THOC7: variants seen among roughly 807,000 people sequenced by gnomAD.
The protein encoded by THOC7 is THO complex subunit 7.
A neutral mutation model predicts 33.1 loss-of-function variants in THOC7; 22 were observed. The observed-to-expected ratio is 0.66, with a 90% CI of 0.47 to 0.95. The LOEUF (loss-of-function observed/expected upper bound fraction) is 0.95. Ranked by LOEUF, THOC7 falls within the 40% of genes least tolerant of loss-of-function variation. THOC7 has a pLI of 0.00. For synonymous variants in THOC7, 77 were observed against 76.8 expected (o/e 1.00, Z -0.01); for missense variants, 184 against 245.3 (o/e 0.75, Z 1.67).
chr3:63,835,494 A>C (rs1381131674), intron 5 of THOC7, 104 bp from the exon 6 acceptor site: 1 of 985,660 alleles, frequency 1.0e-6, no homozygotes, highest in Non-Finnish European at 1.5e-6. Context: ...AAATAAAAAA[A>C]GGGCTTATAA....
intron 2 of THOC7, 94 bp from the exon 3 acceptor site, chr3:63,838,593 T>C (rs972356316): frequency 4.8e-5 from 59 of 1,233,842 alleles, no homozygotes; most frequent in South Asian, 2.9e-4. Context: ...AATTAAATTA[T>C]AGCAAGTTCT....
At chr3:63,855,529 GAC>G (rs560182872) in intron 1 of THOC7, among the ~76,000 whole-genome samples, 170 of 152,292 alleles carry the variant, frequency 1.1e-3, no homozygotes, top group African/African-American at 4.1e-3. Context: ...CTGGTCAGAT[GAC>G]ACAGCCATTT....
chr3:63,839,227 A>G (rs938723555), intron 2 of THOC7, among the ~76,000 whole-genome samples: 2 of 152,188 alleles, frequency 1.3e-5, no homozygotes, highest in African/African-American at 4.8e-5. Flanking sequence ...GTGCGTGTGT[A>G]TCAGGTTGGT....
intron 4 of THOC7, among the ~76,000 whole-genome samples, chr3:63,837,372 T>G (rs1701657433): frequency 6.6e-6 from 1 of 152,022 alleles, no homozygotes. Context: ...ATTTACATTA[T>G]AAGAAGAGCA....
intron 1 of THOC7, among the ~76,000 whole-genome samples, chr3:63,842,751 G>A (rs1701795078): frequency 6.6e-6 from 1 of 152,042 alleles, no homozygotes; most frequent in African/African-American, 2.4e-5. Flanking sequence ...GGGTACACTG[G>A]GTATAAGTAC....
At chr3:63,858,846 G>A (rs1475119927) in intron 1 of THOC7, among the ~76,000 whole-genome samples, 3 of 152,202 alleles carry the variant, frequency 2.0e-5, no homozygotes, top group Non-Finnish European at 4.4e-5. Flanking sequence ...TAACATGACA[G>A]TAGTGGTGAA....
intron 1 of THOC7, among the ~76,000 whole-genome samples, chr3:63,847,918 T>C (rs976348281): frequency 6.6e-6 from 1 of 152,050 alleles, no homozygotes; most frequent in Non-Finnish European, 1.5e-5. Context: ...AAAACTAGTT[T>C]AGGCCATGAT....
chr3:63,852,567 T>C (rs983103653), intron 1 of THOC7, among the ~76,000 whole-genome samples: 2 of 152,206 alleles, frequency 1.3e-5, no homozygotes, highest in Middle Eastern at 3.4e-3. Context: ...GGGGCATGAG[T>C]GTGTAGAACA....
At chr3:63,846,853 C>T (rs540744278) in intron 1 of THOC7, among the ~76,000 whole-genome samples, 4 of 152,204 alleles carry the variant, frequency 2.6e-5, no homozygotes, top group South Asian at 2.1e-4. Flanking sequence ...AAGTCCCGTC[C>T]GATCTACTTA....
upstream of THOC7, chr3:63,863,889 C>T (rs1702312733): frequency 1.7e-6 from 2 of 1,149,674 alleles, no homozygotes; most frequent in Non-Finnish European, 1.1e-6. Context: ...GGTAAACAGC[C>T]ATGGAGGAGG....
chr3:63,833,902 G>T lies in THOC7; in HGVS notation c.*230C>A. On this transcript the variant is annotated 3_prime_UTR_variant, in exon 8 of 8. Coordinates refer to ENST00000295899, the MANE Select transcript of THOC7 (RefSeq NM_025075.4). ...TAAAAGCATTTTATTAAGCATTTTT[G>T]GATGTTGCTTCCTACCACTTAAGAA... 2 of 439,728 alleles carry T rather than the reference G, an allele frequency of 4.5e-6. No homozygotes were observed. The highest frequency in any genetic ancestry group is 8.0e-6 in the Non-Finnish European group (2 of 249,216). 27.2% of individuals were successfully genotyped at this position (439,728 alleles called of 1,614,324 possible).
chr3:63,838,115 T>C (rs1295962636), intron 3 of THOC7, 53 bp from the exon 4 acceptor site: 1 of 1,479,342 alleles, frequency 6.8e-7, no homozygotes, highest in African/African-American at 1.4e-5. Flanking sequence ...ATAATCCATT[T>C]TTAATTTTAA....
At chr3:63,862,767 G>A (rs1250623814) in intron 1 of THOC7, among the ~76,000 whole-genome samples, 1 of 152,074 alleles carries the variant, frequency 6.6e-6, no homozygotes, top group Non-Finnish European at 1.5e-5. Context: ...ACACCCAAGA[G>A]CCCTAGATAT....
chr3:63,846,065 G>A, intron 1 of THOC7: 1 of 282,784 alleles, frequency 3.5e-6, no homozygotes, highest in South Asian at 3.0e-5. Context: ...TCACTGTAAA[G>A]AGCTAATGAA....
chr3:63,855,615 G>T (rs1702100746), intron 1 of THOC7, among the ~76,000 whole-genome samples: 1 of 152,150 alleles, frequency 6.6e-6, no homozygotes, highest in African/African-American at 2.4e-5. Context: ...ATTCATAATT[G>T]TTCTTTCCCT....
rs1192577812 is a variant in THOC7, at chr3:63,849,763, TTC to T, written c.20-9992_20-9991del. ...GTAGCCTGGCTCATTGTTTTTGCTT[TTC>T]TTTTTTCTTTTTCTCCTTTTTTCAC... is the stretch of plus-strand genomic sequence containing the variant. On this transcript the variant is annotated intron_variant, in intron 1 of 7. Coordinates refer to ENST00000295899, the MANE Select transcript of THOC7 (RefSeq NM_025075.4). 2.0e-5 allele frequency among the ~76,000 whole-genome samples: 3 copies of T among 152,350 alleles called. No homozygotes were observed. The South Asian group carries it at 6.2e-4, about 32-fold the overall frequency.
At chr3:63,858,512 G>A (rs1021512779) in intron 1 of THOC7, among the ~76,000 whole-genome samples, 5 of 151,686 alleles carry the variant, frequency 3.3e-5, no homozygotes, top group African/African-American at 1.2e-4. Context: ...ATAGAATGTA[G>A]AGCCACATTC....
At chr3:63,863,856 G>T, upstream of THOC7, 2 of 1,214,330 alleles carry the variant, frequency 1.6e-6, no homozygotes. Flanking sequence ...GGCGGCGGAG[G>T]TCAAACTCCC....
intron 7 of THOC7, 129 bp from the exon 8 acceptor site, chr3:63,834,328 CA>C: frequency 1.2e-6 from 1 of 822,586 alleles, no homozygotes; most frequent in Non-Finnish European, 1.8e-6. Context: ...CTAGTTGAAT[CA>C]AACTTTAAAA....
Sources: allele counts gnomAD v4.1 joint callset (sites outside exome capture counted in the v4.1 genomes callset), GRCh38; gene constraint gnomAD v4.1.1; transcripts MANE v1.5; gene names NCBI Gene and HGNC (gene_info 2026-07-23, HGNC 2026-07-21).